The following TRMT10B variants were observed in gnomAD, a reference collection of about 807,000 sequenced individuals.
The protein encoded by TRMT10B is tRNA methyltransferase 10B.
TRMT10B carries 33 observed loss-of-function variants against 43.8 expected under a neutral mutation model. The ratio of observed to expected loss-of-function variants is 0.75; its 90% CI spans 0.57 to 1.01. The LOEUF (loss-of-function observed/expected upper bound fraction) is 1.01. TRMT10B is among the 50% of genes least tolerant of loss of function. TRMT10B has a pLI of 0.00. For missense variants in TRMT10B, 362 were observed against 369.8 expected, an observed-to-expected ratio of 0.98 and a Z score of 0.17; for synonymous variants, 137 against 130.6, an observed-to-expected ratio of 1.05 and a Z score of -0.34.
intron 1 of TRMT10B, among the ~76,000 whole-genome samples, chr9:37,757,846 A>G (rs777535301): frequency 6.6e-6 from 1 of 152,210 alleles, no homozygotes; most frequent in Non-Finnish European, 1.5e-5. Flanking sequence ...TAAATCCTCT[A>G]GCTATTGTCC....
upstream of TRMT10B, among the ~76,000 whole-genome samples, chr9:37,752,932 T>A (rs1245833132): frequency 1.3e-5 from 2 of 152,062 alleles, no homozygotes; most frequent in South Asian, 4.2e-4. Context: ...TTCTGGACTG[T>A]GGGTGCTTTG....
chr9:37,762,200 G>C (rs1439018229), intron 2 of TRMT10B, 83 bp downstream of exon 2: 1 of 1,391,738 alleles, frequency 7.2e-7, no homozygotes, highest in African/African-American at 1.4e-5. Flanking sequence ...GATACTGGTA[G>C]TGAAAAGAGA....
chr9:37,753,203 T>C (rs1249606874), upstream of TRMT10B, among the ~76,000 whole-genome samples: 2 of 152,242 alleles, frequency 1.3e-5, no homozygotes, highest in Non-Finnish European at 2.9e-5. Context: ...ACGCAGTCTT[T>C]AAGAATTGTA....
upstream of TRMT10B, among the ~76,000 whole-genome samples, chr9:37,753,564 G>T (rs1825199934): frequency 6.6e-6 from 1 of 152,202 alleles, no homozygotes; most frequent in Non-Finnish European, 1.5e-5. Flanking sequence ...ACCTGTAGGA[G>T]CCCTGTGAAG....
rs12337034 is a variant in TRMT10B at position 37,776,286 on chromosome 9, T to C, written c.725T>C (p.Val242Ala). 4.2e-3 allele frequency: 6,445 copies of C among 1,538,372 alleles called. 233 individuals carry two copies. In the African/African-American group the frequency reaches 0.079, roughly 19 times the overall value. Residue 242 changes from valine (V) to alanine (A), a missense_variant, in exon 8 of 9, where the codon GTG (valine) becomes GCG (alanine). Transcript: ENST00000297994. The stretch of plus-strand genomic sequence containing the variant: ...TATTTAACTATATATTTACAGAAGG[T>C]GACATTTCAAAAGGCCCGGGAATAC... ...GLVDESIQKK[V>A]TFQKAREYSV...
intron 1 of TRMT10B, among the ~76,000 whole-genome samples, chr9:37,758,643 A>C (rs1383912812): frequency 6.6e-6 from 1 of 152,224 alleles, no homozygotes; most frequent in African/African-American, 2.4e-5. Context: ...AAGAAGTAGA[A>C]GTTTTAAAAT....
At position 37,762,025 on chromosome 9, in the gene TRMT10B, CT is replaced by C. The variant is rs1563989183; in HGVS notation, c.96del (p.Pro33LeufsTer43). 6.2e-7 allele frequency: 1 copy of C among 1,614,134 alleles called. No individual in the cohort carries two copies. The highest frequency in any genetic ancestry group is 8.5e-7 in the Non-Finnish European group (1 of 1,180,030). On this transcript the variant is annotated frameshift_variant, in exon 2 of 9. Coordinates refer to ENST00000297994, the MANE Select transcript of TRMT10B (RefSeq NM_144964.4). LOFTEE classifies it high-confidence loss of function. Reference protein sequence around the residue: ...GILEETGEDGLPEGFQLLQID... With the variant: ...GILEETGEDGXPEGFQLLQID... Reference sequence around the variant, plus strand: ...CCTAGAGGAGACAGGTGAAGATGGACTTCCTGAAGGCTTCCAGCTTCTGCAG... The same window carrying C: ...CCTAGAGGAGACAGGTGAAGATGGACTCCTGAAGGCTTCCAGCTTCTGCAG...
intron 3 of TRMT10B, among the ~76,000 whole-genome samples, chr9:37,763,383 G>A (rs948964872): frequency 6.6e-6 from 1 of 152,118 alleles, no homozygotes; most frequent in Non-Finnish European, 1.5e-5. Context: ...GAGAAATTAA[G>A]TAACATAATT....
At chr9:37,771,788 A>G (rs1288770305) in intron 7 of TRMT10B, among the ~76,000 whole-genome samples, 1 of 152,238 alleles carries the variant, frequency 6.6e-6, no homozygotes, top group African/African-American at 2.4e-5. Context: ...TCTGGTGGTC[A>G]CCATCTTATC....
rs1828148457 is a variant in TRMT10B at position 37,776,368 on chromosome 9, GAAA to G, written c.810_812del (p.Lys270del). 1 of 1,612,298 alleles carries G rather than the reference GAAA, an allele frequency of 6.2e-7. No individual in the cohort carries two copies. The highest frequency in any genetic ancestry group is 2.2e-5 in the East Asian group (1 of 44,676). On this transcript the variant is annotated inframe_deletion, in exon 8 of 9. Transcript: ENST00000297994. Reference sequence around the variant, plus strand: ...AATACATGGTCAGAAACCAGAATGGGAAAAACTATCATTCAGAGATACTGGCCA... The same window carrying G: ...AATACATGGTCAGAAACCAGAATGGGAACTATCATTCAGAGATACTGGCCA...
At chr9:37,763,895 ACT>A (rs772869525) in intron 4 of TRMT10B, 142 bp downstream of exon 4, 1 of 1,525,354 alleles carries the variant, frequency 6.6e-7, no homozygotes, top group Non-Finnish European at 8.8e-7. Context: ...ATACTGGGTT[ACT>A]AAGTTCCAAG....
intron 2 of TRMT10B, 24 bp downstream of exon 2, chr9:37,762,141 ATAGG>A: frequency 1.3e-6 from 2 of 1,599,194 alleles, no homozygotes; most frequent in Non-Finnish European, 8.5e-7. Context: ...TTGCCTGGCC[ATAGG>A]CCTTGAATGA....
At chr9:37,757,187 G>A (rs139680764) in intron 1 of TRMT10B, among the ~76,000 whole-genome samples, 49 of 152,228 alleles carry the variant, frequency 3.2e-4, no homozygotes, top group African/African-American at 1.0e-3. Flanking sequence ...GGGTTCAAGC[G>A]ATCTTCTGGC....
At chr9:37,775,470 T>C (rs4878174) in intron 7 of TRMT10B, among the ~76,000 whole-genome samples, 77,168 of 152,008 alleles carry the variant, frequency 0.51, 19,955 homozygotes, top group Non-Finnish European at 0.55. Context: ...TTCTGTACTC[T>C]GACACTAAAT....
chr9:37,757,355 C>T (rs145263903), intron 1 of TRMT10B, among the ~76,000 whole-genome samples: 1 of 152,320 alleles, frequency 6.6e-6, no homozygotes, highest in Non-Finnish European at 1.5e-5. Flanking sequence ...CGATTACAGG[C>T]ATGAGCTTCT....
intron 4 of TRMT10B, among the ~76,000 whole-genome samples, chr9:37,765,883 G>A (rs970922265): frequency 6.7e-5 from 10 of 150,238 alleles, no homozygotes; most frequent in South Asian, 2.1e-4. Flanking sequence ...CATAAATGTC[G>A]TCTTTTGAGA....
At chr9:37,771,363 G>A (rs1589039531) in intron 7 of TRMT10B, among the ~76,000 whole-genome samples, 2 of 152,080 alleles carry the variant, frequency 1.3e-5, no homozygotes, top group African/African-American at 2.4e-5. Context: ...TGAGGCAACC[G>A]ATGTCAAGTT....
intron 4 of TRMT10B, among the ~76,000 whole-genome samples, chr9:37,766,794 A>G (rs1213002261): frequency 6.6e-6 from 1 of 152,184 alleles, no homozygotes; most frequent in Non-Finnish European, 1.5e-5. Flanking sequence ...GGTCCTTCAC[A>G]TCCCTTGTAA....
chr9:37,774,378 A>ATAT (rs1827913405), intron 7 of TRMT10B, among the ~76,000 whole-genome samples: 1 of 152,092 alleles, frequency 6.6e-6, no homozygotes, highest in East Asian at 1.9e-4. Flanking sequence ...CAGTTTTAAC[A>ATAT]TATTATCTGT....
Sources: gnomAD v4.1 joint callset for allele counts (sites outside exome capture counted in the v4.1 genomes callset) on GRCh38, gnomAD v4.1.1 for gene constraint, MANE v1.5 for transcripts, NCBI Gene and HGNC (gene_info 2026-07-23, HGNC 2026-07-21) for gene names.